The following OOEP variants were observed in gnomAD, a reference collection of about 807,000 sequenced individuals.
OOEP encodes oocyte expressed protein.
Under a neutral mutation model 13.7 loss-of-function variants are expected in OOEP, and 16 were observed. That is an observed-to-expected ratio of 1.16 (90% CI 0.79 to 1.77). The LOEUF (loss-of-function observed/expected upper bound fraction) is 1.77, where lower values mean the gene tolerates loss of function less well. Ranked by LOEUF, OOEP falls within the 40% of genes most tolerant of loss-of-function variation. OOEP has a pLI of 0.00. For synonymous variants in OOEP, 89 were observed against 77.1 expected, an observed-to-expected ratio of 1.15 and a Z score of -0.81; for missense variants, 195 against 193.1, an observed-to-expected ratio of 1.01 and a Z score of -0.06.
At chr6:73,381,214 A>G (rs1769205101) in intron 2 of OOEP, among the ~76,000 whole-genome samples, 1 of 110,322 alleles carries the variant, frequency 9.1e-6, no homozygotes, top group Admixed American at 8.8e-5. Context: ...TTAAAAAAAA[A>G]AAAAAAAAAA....
chr6:73,373,257 A>G, upstream of OOEP: 1 of 1,610,804 alleles, frequency 6.2e-7, no homozygotes, highest in Non-Finnish European at 8.5e-7. Context: ...GTCTTGTGAG[A>G]AGACATGGCG....
chr6:73,370,105 C>A (rs1458706940), upstream of OOEP: 1 of 371,404 alleles, frequency 2.7e-6, no homozygotes, highest in East Asian at 5.3e-5. Context: ...GCCTGAAAGT[C>A]CTCTGCCCAC....
chr6:73,371,992 C>T (rs1562277290), upstream of OOEP, among the ~76,000 whole-genome samples: 2 of 152,154 alleles, frequency 1.3e-5, no homozygotes, highest in East Asian at 3.9e-4. Context: ...CCTGTAATCC[C>T]AGCCCTTTAG....
upstream of OOEP, among the ~76,000 whole-genome samples, chr6:73,374,669 G>C (rs1451413704): frequency 1.3e-5 from 2 of 152,104 alleles, no homozygotes; most frequent in Admixed American, 6.6e-5. Flanking sequence ...CAACCCTCCT[G>C]CCTTGGTCTC....
intron 2 of OOEP, 149 bp from the exon 3 acceptor site, chr6:73,369,012 A>G (rs2150777988): frequency 1.2e-6 from 1 of 803,258 alleles, no homozygotes; most frequent in Non-Finnish European, 2.0e-6. Context: ...ATGGGTCTGA[A>G]TCTATCAGAT....
chr6:73,387,779 A>G (rs544597105), intron 2 of OOEP: 1 of 152,176 alleles, frequency 6.6e-6, no homozygotes, highest in Non-Finnish European at 1.5e-5. Context: ...TAATGTTTAT[A>G]TAATTTGAGG....
intron 2 of OOEP, among the ~76,000 whole-genome samples, chr6:73,379,313 C>T (rs1475957511): frequency 6.6e-6 from 1 of 150,618 alleles, no homozygotes; most frequent in African/African-American, 2.4e-5. Context: ...TGTGAGCCAC[C>T]ATGCCTGGCC....
At chr6:73,369,545 G>A in intron 1 of OOEP, 58 bp downstream of exon 1, 1 of 1,563,998 alleles carries the variant, frequency 6.4e-7, no homozygotes, top group Non-Finnish European at 8.8e-7. Context: ...GAGCTGCTCT[G>A]CCAAGCCTCT....
At chr6:73,369,126 G>A in intron 2 of OOEP, 80 bp downstream of exon 2, 2 of 1,431,766 alleles carry the variant, frequency 1.4e-6, no homozygotes, top group Non-Finnish European at 1.9e-6. Context: ...AGAAGGTTAA[G>A]GGAGGATGGA....
chr6:73,377,138 G>A (rs1050464389), intron 2 of OOEP, among the ~76,000 whole-genome samples: 1 of 152,176 alleles, frequency 6.6e-6, no homozygotes, highest in African/African-American at 2.4e-5. Flanking sequence ...TATTACCATG[G>A]GAGAGAGAAA....
At chr6:73,393,587 T>C (rs1335700390) in intron 2 of OOEP, among the ~76,000 whole-genome samples, 2 of 152,102 alleles carry the variant, frequency 1.3e-5, no homozygotes, top group Non-Finnish European at 2.9e-5. Context: ...ATACCTGTAA[T>C]CCCTCAACTG....
chr6:73,373,840 C>G (rs903291075), upstream of OOEP, among the ~76,000 whole-genome samples: 1 of 152,010 alleles, frequency 6.6e-6, no homozygotes, highest in Non-Finnish European at 1.5e-5. Context: ...CTACCCACCT[C>G]GGCCTCCCAA....
intron 2 of OOEP, among the ~76,000 whole-genome samples, chr6:73,376,585 G>A (rs1173392513): frequency 1.3e-5 from 2 of 152,026 alleles, no homozygotes; most frequent in Non-Finnish European, 2.9e-5. Context: ...CAATTCTCCT[G>A]CCTCAGCCTC....
intron 2 of OOEP, among the ~76,000 whole-genome samples, chr6:73,381,779 G>A (rs781542496): frequency 2.3e-4 from 35 of 152,088 alleles, no homozygotes; most frequent in Admixed American, 4.6e-4. Flanking sequence ...TCAGGAGTTC[G>A]AGACCAGCCT....
intron 2 of OOEP, among the ~76,000 whole-genome samples, chr6:73,392,323 G>C (rs1769358380): frequency 6.6e-6 from 1 of 151,896 alleles, no homozygotes. Context: ...TTTTTTTTGA[G>C]ATGGAATTTC....
Position 73,368,828 on chromosome 6 carries a change from C to A in OOEP, c.406G>T (p.Ala136Ser), listed in dbSNP as rs779914753. The change falls in exon 3 of 3, where the codon GCC (alanine) becomes TCC (serine). Residue 136 changes from alanine to serine, a missense_variant. Physicochemically the swap from Ala to Ser is moderately conservative, Grantham distance 99. Transcript: ENST00000370359. ...GGAGAGTGGGGGTCTGATGCATGGG[C>A]CTTCAAGTTCTTCTCAAGGTGTTTC... ...KMKHLEKNLK[A>S]HASDPHSPQD... 1.9e-6 allele frequency: 3 copies of A among 1,613,662 alleles called. No homozygotes were observed. Among genetic ancestry groups the A allele is most frequent in the South Asian group, 2.2e-5 (2 of 91,062 alleles).
At chr6:73,391,391 G>C (rs541490336) in intron 2 of OOEP, 65 of 153,010 alleles carry the variant, frequency 4.2e-4, no homozygotes, top group African/African-American at 1.5e-3. Flanking sequence ...GGATGAGGCA[G>C]TATATTATCA....
At chr6:73,373,375 A>G (rs1769090557), upstream of OOEP, 6 of 1,090,974 alleles carry the variant, frequency 5.5e-6, 1 homozygote, top group South Asian at 5.2e-5. Flanking sequence ...CCCAGGCTAG[A>G]GTGCAGTGGC....
chr6:73,383,482 A>G (rs979916364), intron 2 of OOEP, among the ~76,000 whole-genome samples: 1 of 152,146 alleles, frequency 6.6e-6, no homozygotes, highest in Non-Finnish European at 1.5e-5. Flanking sequence ...CTAAAAATAC[A>G]AAATTAGCTG....
Sources: allele counts gnomAD v4.1 joint callset (sites outside exome capture counted in the v4.1 genomes callset), GRCh38; gene constraint gnomAD v4.1.1; transcripts MANE v1.5; gene names NCBI Gene and HGNC (gene_info 2026-07-23, HGNC 2026-07-21).